Variants in ZFHX3 observed in about 807,000 individuals in gnomAD.
ZFHX3 encodes zinc finger homeobox protein 3.
A neutral mutation model predicts 279.1 loss-of-function variants in ZFHX3; 42 were observed. The ratio of observed to expected loss-of-function variants is 0.15; its 90% CI spans 0.12 to 0.19. The LOEUF (loss-of-function observed/expected upper bound fraction) is 0.19. Among genes scored for constraint, ZFHX3 ranks in the 10% least tolerant of loss-of-function variants. ZFHX3 has a pLI of 1.00. For synonymous variants in ZFHX3, 2,293 were observed against 1,957.8 expected, an observed-to-expected ratio of 1.17 and a Z score of -4.52; for missense variants, 4,981 against 4,754.0, an observed-to-expected ratio of 1.05 and a Z score of -1.40.
intron 3 of ZFHX3, among the ~76,000 whole-genome samples, chr16:73,348,603 A>C (rs2016164338): frequency 6.6e-6 from 1 of 152,204 alleles, no homozygotes; most frequent in African/African-American, 2.4e-5. Flanking sequence ...TGGCGTTCAG[A>C]GGATGGACTG....
chr16:73,526,569 T>G (rs2143717785), intron 2 of ZFHX3, among the ~76,000 whole-genome samples: 1 of 152,364 alleles, frequency 6.6e-6, no homozygotes, highest in East Asian at 1.9e-4. Flanking sequence ...GTTTTGACAC[T>G]GTCTTTGTCT....
At chr16:73,115,373 T>G (rs1966419173) in intron 7 of ZFHX3, among the ~76,000 whole-genome samples, 1 of 84,472 alleles carries the variant, frequency 1.2e-5, no homozygotes, top group South Asian at 4.1e-4. Context: ...GGACCCTATC[T>G]CTACAAAAAA....
At position 72,959,800 on chromosome 16, in the gene ZFHX3, T is replaced by C. The variant is rs1229808086; in HGVS notation, c.346A>G (p.Thr116Ala). ...PPLREESASD[T>A]GEEGDEESDV... is the part of the protein sequence containing the mutation. Reference sequence around the variant, plus strand: ...CTCTCCTCGTCCCCCTCCTCACCGGTGTCGCTGGCGCTCTCCTCTCTCAGG... The same window carrying C: ...CTCTCCTCGTCCCCCTCCTCACCGGCGTCGCTGGCGCTCTCCTCTCTCAGG... The change falls in exon 2 of 10, where the codon ACC becomes GCC. Residue 116 changes from threonine (T) to alanine (A), a missense_variant. Around this residue, in one of 7 missense-constraint regions of ZFHX3, gnomAD observed 1,068 missense variants for 935.2 expected, o/e 1.14. Coordinates refer to ENST00000268489, the MANE Select transcript of ZFHX3 (RefSeq NM_006885.4). 1.3e-6 allele frequency: 2 copies of C among 1,597,156 alleles called. No homozygotes were observed. Among genetic ancestry groups the C allele is most frequent in the South Asian group, 1.1e-5 (1 of 88,522 alleles).
intron 2 of ZFHX3, among the ~76,000 whole-genome samples, chr16:73,624,031 C>T (rs1855913619): frequency 1.3e-5 from 2 of 152,252 alleles, no homozygotes; most frequent in South Asian, 4.1e-4. Flanking sequence ...TGTTTAGTTG[C>T]ATCCGTCCAA....
intron 3 of ZFHX3, among the ~76,000 whole-genome samples, chr16:72,917,369 G>C (rs754636209): frequency 1.3e-5 from 2 of 152,186 alleles, no homozygotes; most frequent in Non-Finnish European, 2.9e-5. Context: ...TGGGGGAAAG[G>C]TAGACAGTAA....
At chr16:73,098,068 T>A (rs1966187374) in intron 7 of ZFHX3, among the ~76,000 whole-genome samples, 1 of 78,448 alleles carries the variant, frequency 1.3e-5, no homozygotes. Flanking sequence ...CCCTTGTGTA[T>A]CTATTTTTTT....
At chr16:73,846,431 G>A (rs1340614005) in intron 1 of ZFHX3, among the ~76,000 whole-genome samples, 1 of 152,142 alleles carries the variant, frequency 6.6e-6, no homozygotes, top group Non-Finnish European at 1.5e-5. Flanking sequence ...ACTAGTTCTG[G>A]TTTGGGGATT....
chr16:73,351,318 T>G (rs139095376), intron 3 of ZFHX3, among the ~76,000 whole-genome samples: 1 of 152,196 alleles, frequency 6.6e-6, no homozygotes, highest in African/African-American at 2.4e-5. Context: ...TACTCCTGAA[T>G]TGGCTGAGTG....
At chr16:73,531,455 C>T (rs1197842360) in intron 2 of ZFHX3, among the ~76,000 whole-genome samples, 3 of 152,060 alleles carry the variant, frequency 2.0e-5, no homozygotes. Context: ...TGGCTCACTC[C>T]TGTAATTACA....
At chr16:73,119,577 C>A (rs1294803492) in intron 7 of ZFHX3, among the ~76,000 whole-genome samples, 1 of 152,230 alleles carries the variant, frequency 6.6e-6, no homozygotes, top group East Asian at 1.9e-4. Context: ...AGCCGTGTGG[C>A]CTGCTTTACC....
At chr16:73,795,764 CA>C (rs1012217281) in intron 1 of ZFHX3, among the ~76,000 whole-genome samples, 2 of 152,272 alleles carry the variant, frequency 1.3e-5, no homozygotes, top group Non-Finnish European at 2.9e-5. Flanking sequence ...TCTTTGACAA[CA>C]GATGTTTAAA....
At chr16:73,560,488 C>T (rs181157259) in intron 2 of ZFHX3, among the ~76,000 whole-genome samples, 150 of 152,298 alleles carry the variant, frequency 9.8e-4, no homozygotes, top group African/African-American at 3.4e-3. Context: ...AGGGCCCTGT[C>T]GCTCTTCTCT....
chr16:72,788,305 G>A lies in ZFHX3; in HGVS notation c.9971C>T (p.Pro3324Leu). The change falls in exon 10 of 10, where the codon CCT becomes CTT. Residue 3324 changes from proline to leucine, a missense_variant. Coordinates refer to ENST00000268489, the MANE Select transcript of ZFHX3 (RefSeq NM_006885.4). ...CAGGTACCCGCTCTGCAGGGCGCCAGGGATCTGGGGAGCATAATAAGGAGA... is the reference window on the plus strand; with the variant it reads ...CAGGTACCCGCTCTGCAGGGCGCCAAGGATCTGGGGAGCATAATAAGGAGA... ...GFSPYYAPQIPGALQSGYLQP... is the reference protein window; with the variant it reads ...GFSPYYAPQILGALQSGYLQP... 1 of 1,614,212 alleles carries A rather than the reference G, an allele frequency of 6.2e-7. No homozygotes were observed. The highest frequency in any genetic ancestry group is 8.5e-7 in the Non-Finnish European group (1 of 1,180,034).
intron 3 of ZFHX3, among the ~76,000 whole-genome samples, chr16:73,409,678 C>T (rs915119431): frequency 6.6e-6 from 1 of 152,166 alleles, no homozygotes; most frequent in Non-Finnish European, 1.5e-5. Flanking sequence ...ATGTTTATTG[C>T]AGCACTGTTC....
intron 3 of ZFHX3, among the ~76,000 whole-genome samples, chr16:73,334,953 C>T (rs1567453550): frequency 6.7e-6 from 1 of 150,278 alleles, no homozygotes; most frequent in East Asian, 2.0e-4. Context: ...GGAAAAATGT[C>T]CTCAAAACTA....
intron 4 of ZFHX3, among the ~76,000 whole-genome samples, chr16:73,282,569 GTCT>G (rs1430057579): frequency 6.6e-6 from 1 of 152,000 alleles, no homozygotes; most frequent in Non-Finnish European, 1.5e-5. Flanking sequence ...TTGTTGCTTT[GTCT>G]TTTGTTTTCT....
At chr16:73,219,008 G>T (rs1411772999) in intron 5 of ZFHX3, among the ~76,000 whole-genome samples, 1 of 152,070 alleles carries the variant, frequency 6.6e-6, no homozygotes, top group Non-Finnish European at 1.5e-5. Context: ...CTATGGATTT[G>T]TCCATTCTAG....
intron 3 of ZFHX3, among the ~76,000 whole-genome samples, chr16:73,354,304 A>G (rs2016297127): frequency 6.6e-6 from 1 of 152,228 alleles, no homozygotes. Flanking sequence ...TATAGTTTTA[A>G]GCTGGCAGGA....
chr16:72,821,831 A>G (rs560901153), intron 5 of ZFHX3: 1 of 152,328 alleles, frequency 6.6e-6, no homozygotes, highest in Non-Finnish European at 1.5e-5. Flanking sequence ...AAGCGCAAAC[A>G]TTTGTTGCTA....
Sources: allele counts gnomAD v4.1 joint callset (sites outside exome capture counted in the v4.1 genomes callset), GRCh38; gene constraint gnomAD v4.1.1; regional missense constraint gnomAD v4.1.1; transcripts MANE v1.5; gene names NCBI Gene and HGNC (gene_info 2026-07-23, HGNC 2026-07-21).